Variants in TNS1 observed in about 807,000 individuals in gnomAD.
TNS1 encodes tensin 1.
Under a neutral mutation model 168.6 loss-of-function variants are expected in TNS1, and 62 were observed. That is an observed-to-expected ratio of 0.37 (90% CI 0.30 to 0.45). TNS1 has a LOEUF of 0.45. Ranked by LOEUF, TNS1 falls within the 20% of genes least tolerant of loss-of-function variation. The pLI, the probability that TNS1 is intolerant of heterozygous loss-of-function variation, is 1.00. For missense variants in TNS1, 2,240 were observed against 2,339.4 expected (o/e 0.96, Z 0.88); for synonymous variants, 934 against 933.2 (o/e 1.00, Z -0.02).
chr2:217,910,261 C>T (rs987486006), intron 4 of TNS1, among the ~76,000 whole-genome samples: 11 of 152,000 alleles, frequency 7.2e-5, no homozygotes, highest in South Asian at 2.1e-4. Flanking sequence ...CACAGGGTGA[C>T]GCTTGCCAGA....
intron 2 of TNS1, among the ~76,000 whole-genome samples, chr2:217,988,226 C>T (rs1958250745): frequency 6.6e-6 from 1 of 152,202 alleles, no homozygotes; most frequent in Non-Finnish European, 1.5e-5. Context: ...CTCACCCTCC[C>T]CTCCGGTTCA....
At chr2:217,853,126 A>G (rs1947722453) in intron 18 of TNS1, among the ~76,000 whole-genome samples, 1 of 152,092 alleles carries the variant, frequency 6.6e-6, no homozygotes, top group East Asian at 1.9e-4. Flanking sequence ...CCACGGCCAC[A>G]TTAGAGCTTT....
intron 2 of TNS1, among the ~76,000 whole-genome samples, chr2:217,990,409 C>T (rs998117295): frequency 6.7e-6 from 1 of 149,852 alleles, no homozygotes; most frequent in Non-Finnish European, 1.5e-5. Flanking sequence ...ACACCAGCCA[C>T]ACACCCTGAC....
chr2:217,932,856 T>C (rs1032092686), intron 3 of TNS1, among the ~76,000 whole-genome samples: 5 of 152,220 alleles, frequency 3.3e-5, no homozygotes, highest in African/African-American at 1.2e-4. Flanking sequence ...TCCTGGCCCC[T>C]AGATGGCAGC....
At chr2:217,929,899 G>T (rs569448607) in intron 3 of TNS1, among the ~76,000 whole-genome samples, 1 of 152,040 alleles carries the variant, frequency 6.6e-6, no homozygotes, top group Non-Finnish European at 1.5e-5. Context: ...CCTGCCCTCC[G>T]CCTTGTCCCC....
chr2:217,937,889 G>A (rs1956705429), intron 3 of TNS1, among the ~76,000 whole-genome samples: 1 of 152,062 alleles, frequency 6.6e-6, no homozygotes, highest in South Asian at 2.1e-4. Flanking sequence ...TTCCCCTGAA[G>A]CCCTCTTCCC....
rs200823793 is a variant in TNS1 at position 217,885,031 on chromosome 2, G to A, written c.1246+4C>T. On this transcript the variant is annotated splice_donor_region_variant and intron_variant, in intron 16 of 32. Coordinates refer to ENST00000682258, the MANE Select transcript of TNS1 (RefSeq NM_001387777.1). ...CCACCCCCAGCTCCACTCAAGGAGC[G>A]CACCTTTGAAAGCATCATCAAGGTC... 30 of 1,614,078 alleles carry A rather than the reference G, an allele frequency of 1.9e-5. No individual in the cohort carries two copies. Among genetic ancestry groups the A allele is most frequent in the Admixed American group, 3.3e-5 (2 of 60,028 alleles).
At chr2:217,920,344 G>GAT in intron 3 of TNS1, 108 bp from the exon 4 acceptor site, 9 of 687,150 alleles carry the variant, frequency 1.3e-5, no homozygotes, top group Admixed American at 6.1e-5. Context: ...CCTCACACGG[G>GAT]CTGACACCTT....
intron 18 of TNS1, among the ~76,000 whole-genome samples, chr2:217,875,197 C>G (rs996138780): frequency 3.3e-5 from 5 of 152,156 alleles, no homozygotes; most frequent in African/African-American, 1.2e-4. Context: ...GAACAGAGAC[C>G]TTTCTGACCC....
intron 30 of TNS1, among the ~76,000 whole-genome samples, chr2:217,809,480 G>C (rs866133810): frequency 1.1e-3 from 33 of 28,822 alleles, no homozygotes; most frequent in African/African-American, 1.8e-3. Context: ...TGGATGGATG[G>C]ATGGATGGAT....
At chr2:217,852,674 T>G (rs74386158) in intron 18 of TNS1, among the ~76,000 whole-genome samples, 1,541 of 152,306 alleles carry the variant, frequency 0.01, 24 homozygotes, top group African/African-American at 0.035. Flanking sequence ...CAAGCCCCAC[T>G]CAGCATCGAT....
chr2:217,906,287 T>G, intron 6 of TNS1, 48 bp downstream of exon 6: 5 of 317,218 alleles, frequency 1.6e-5, no homozygotes, highest in Non-Finnish European at 2.4e-5. Context: ...CCATTCCCCC[T>G]GGCCACCAGG....
intron 3 of TNS1, among the ~76,000 whole-genome samples, chr2:217,959,662 A>G (rs1284336655): frequency 6.6e-6 from 1 of 152,196 alleles, no homozygotes; most frequent in Non-Finnish European, 1.5e-5. Flanking sequence ...TGCTTAATAA[A>G]TGATAACCAC....
intron 2 of TNS1, among the ~76,000 whole-genome samples, chr2:217,990,650 A>G (rs1958341984): frequency 6.6e-6 from 1 of 152,124 alleles, no homozygotes; most frequent in South Asian, 2.1e-4. Context: ...CTCACATGCC[A>G]CTCATATACC....
chr2:218,026,961 G>A (rs900208882), intron 1 of TNS1, among the ~76,000 whole-genome samples: 7 of 152,340 alleles, frequency 4.6e-5, no homozygotes, highest in African/African-American at 9.6e-5. Context: ...CTGGCCTGGT[G>A]GGCTCAAGTT....
In TNS1 at chr2:218,033,909, G is replaced by A. The variant is rs1005987537; in HGVS notation, c.67C>T (p.Pro23Ser). 1.3e-5 allele frequency among the ~76,000 whole-genome samples: 2 copies of A among 152,184 alleles called. No individual in the cohort carries two copies. Among genetic ancestry groups the A allele is most frequent in the Non-Finnish European group, 2.9e-5 (2 of 68,022 alleles). Residue 23 changes from proline (P) to serine (S), a missense_variant, in exon 1 of 2, where the codon CCC becomes TCC. By Grantham distance (74) the Pro-to-Ser change is moderately conservative. Transcript: ENST00000649572. This position sits in a 1 kb window ranked among gnomAD's most constrained non-coding sequence, Gnocchi z 4.3. Reference sequence around the variant, plus strand: ...GCCGAGACCCAGGGACTCCCCGGGGGCTGGGGACCGCAGAGTGGTCCGGGC... The same window carrying A: ...GCCGAGACCCAGGGACTCCCCGGGGACTGGGGACCGCAGAGTGGTCCGGGC...
In TNS1 at chr2:217,851,810, C is replaced by T. The variant is rs139191811; in HGVS notation, c.1430-2723G>A. On this transcript the variant is annotated intron_variant, in intron 18 of 32. Coordinates refer to ENST00000682258, the MANE Select transcript of TNS1 (RefSeq NM_001387777.1). ...GGATGAGGGAGGCTGACCTTCATGC[C>T]CACTCTCTCCAAAGAACTGAGCTCC... 3.9e-5 allele frequency among the ~76,000 whole-genome samples: 6 copies of T among 152,182 alleles called. No homozygotes were observed. The East Asian group carries it at 1.2e-3, about 29-fold the overall frequency.
At chr2:217,892,692 G>T (rs988694398) in intron 11 of TNS1, among the ~76,000 whole-genome samples, 3 of 152,058 alleles carry the variant, frequency 2.0e-5, no homozygotes, top group Non-Finnish European at 2.9e-5. Flanking sequence ...TGGCCGCATG[G>T]GTTGCTCAGG....
intron 2 of TNS1, among the ~76,000 whole-genome samples, chr2:217,981,652 A>T (rs895875507): frequency 1.3e-5 from 2 of 152,200 alleles, no homozygotes; most frequent in African/African-American, 4.8e-5. Context: ...AGCCCCCATG[A>T]ATGGATATTG....
Sources: gnomAD v4.1 joint callset for allele counts (sites outside exome capture counted in the v4.1 genomes callset) on GRCh38, gnomAD v4.1.1 for gene constraint, Gnocchi (gnomAD v3.1) non-coding constraint, MANE v1.5 for transcripts, NCBI Gene and HGNC (gene_info 2026-07-23, HGNC 2026-07-21) for gene names.